NAV2: variants seen among roughly 807,000 people sequenced by gnomAD.
NAV2 encodes helicase, APC down-regulated 1.
NAV2 carries 54 observed loss-of-function variants against 223.2 expected under a neutral mutation model. The ratio of observed to expected loss-of-function variants is 0.24; its 90% CI spans 0.19 to 0.30. The LOEUF is 0.30. Among genes scored for constraint, NAV2 ranks in the 10% least tolerant of loss-of-function variants. NAV2 has a pLI of 1.00. For synonymous variants in NAV2, 1,279 were observed against 1,239.3 expected, an observed-to-expected ratio of 1.03 and a Z score of -0.67; for missense variants, 2,806 against 3,147.5, an observed-to-expected ratio of 0.89 and a Z score of 2.60.
At chr11:20,100,862 A>G in intron 31 of NAV2, 75 bp from the exon 32 acceptor site, 2 of 1,277,528 alleles carry the variant, frequency 1.6e-6, no homozygotes, top group African/African-American at 1.5e-5. Flanking sequence ...AGGTCTTGGC[A>G]GTCCCAGTTA....
At chr11:19,761,875 T>A (rs915441089) in intron 1 of NAV2, among the ~76,000 whole-genome samples, 1 of 152,186 alleles carries the variant, frequency 6.6e-6, no homozygotes, top group Non-Finnish European at 1.5e-5. Context: ...TTCACCCTGG[T>A]CCAAACCATC....
intron 11 of NAV2, among the ~76,000 whole-genome samples, chr11:20,014,236 G>A (rs1418931870): frequency 6.6e-6 from 1 of 152,072 alleles, no homozygotes; most frequent in Non-Finnish European, 1.5e-5. Flanking sequence ...TTATCACCCT[G>A]TGGTAGACAC....
At chr11:19,534,091 C>T (rs542065523) in intron 1 of NAV2, among the ~76,000 whole-genome samples, 6 of 152,348 alleles carry the variant, frequency 3.9e-5, no homozygotes, top group African/African-American at 4.8e-5. Context: ...CCTTGTGGCT[C>T]CTCTTCATTT....
intron 7 of NAV2, among the ~76,000 whole-genome samples, chr11:19,936,337 CCTT>C (rs1435612755): frequency 6.6e-6 from 1 of 152,138 alleles, no homozygotes; most frequent in Non-Finnish European, 1.5e-5. Context: ...CAATCCCATT[CCTT>C]CTTTTTTTGT....
At chr11:19,387,528 C>T (rs935468586) in intron 1 of NAV2, among the ~76,000 whole-genome samples, 1 of 152,028 alleles carries the variant, frequency 6.6e-6, no homozygotes, top group Non-Finnish European at 1.5e-5. Context: ...CCCAGTTTTG[C>T]TAGCCAAGTG....
At chr11:19,472,319 C>G (rs1352300247) in intron 1 of NAV2, among the ~76,000 whole-genome samples, 2 of 152,058 alleles carry the variant, frequency 1.3e-5, no homozygotes, top group Non-Finnish European at 2.9e-5. Context: ...TGATGTTGGA[C>G]AATTATTTCA....
At chr11:19,849,172 G>A (rs147710751) in intron 3 of NAV2, among the ~76,000 whole-genome samples, 8 of 152,302 alleles carry the variant, frequency 5.3e-5, no homozygotes, top group South Asian at 2.1e-4. Context: ...AAGGGTGCTC[G>A]TGGTCCCAGA....
chr11:19,940,489 A>T lies in NAV2; in HGVS notation c.2146+716A>T, dbSNP rs188250183. ...TTCTCTGTCTCTTTTCCCCATTCCA[A>T]AACTCTGTGTCCCAAGCTCCAGCAG... is the stretch of plus-strand genomic sequence containing the variant. On this transcript the variant is annotated intron_variant, in intron 8 of 37. Coordinates refer to ENST00000349880, the MANE Select transcript of NAV2 (RefSeq NM_145117.5). Among the ~76,000 whole-genome samples, 4 of 152,288 alleles carry T rather than the reference A, an allele frequency of 2.6e-5. No homozygotes were observed. In the East Asian group the frequency reaches 7.7e-4, roughly 29 times the overall value.
chr11:20,097,873 CCA>C, intron 31 of NAV2, 128 bp downstream of exon 31: 1 of 773,544 alleles, frequency 1.3e-6, no homozygotes, highest in East Asian at 2.7e-5. Context: ...CTCCCTTCTA[CCA>C]CAGTTACTCT....
chr11:19,738,888 A>C (rs1164338355), intron 1 of NAV2, among the ~76,000 whole-genome samples: 9 of 152,288 alleles, frequency 5.9e-5, no homozygotes, highest in African/African-American at 2.2e-4. Flanking sequence ...CCCCTGGTTC[A>C]CGTATTGGTA....
rs373184612 is a variant in NAV2, at chr11:19,888,906, T to G, written c.771-3528T>G. On this transcript the variant is annotated intron_variant, in intron 5 of 37. Coordinates refer to ENST00000349880, the MANE Select transcript of NAV2 (RefSeq NM_145117.5). ...AACCTCCGAGATCTTCATTTCCTTC[T>G]CTGAATACCTTCTGAACTTCACGTA... 5.3e-5 allele frequency among the ~76,000 whole-genome samples: 8 copies of G among 152,290 alleles called. No homozygotes were observed. The East Asian group carries it at 1.2e-3, about 22-fold the overall frequency.
intron 1 of NAV2, among the ~76,000 whole-genome samples, chr11:19,424,623 A>G (rs1648106343): frequency 6.6e-6 from 1 of 152,164 alleles, no homozygotes; most frequent in Non-Finnish European, 1.5e-5. Flanking sequence ...ATCTCAGCTC[A>G]CTGCAACCTC....
intron 1 of NAV2, among the ~76,000 whole-genome samples, chr11:19,624,907 A>G (rs1010586245): frequency 2.0e-5 from 3 of 152,240 alleles, no homozygotes; most frequent in African/African-American, 4.8e-5. Flanking sequence ...CAGATCTTTC[A>G]AAATATTTTA....
chr11:19,892,566 A>G lies in NAV2; in HGVS notation c.903A>G (p.Pro301=). 1 of 1,612,482 alleles carries G rather than the reference A, an allele frequency of 6.2e-7. No individual in the cohort carries two copies. The highest frequency in any genetic ancestry group is 8.5e-7 in the Non-Finnish European group (1 of 1,179,422). The part of the protein sequence containing the change: ...NYDKSKPVTS[P]PPPPSSHEKE... ...ATAAATCCAAACCAGTCACCTCCCC[A>G]CCCCCACCGCCAAGCAGCCACGAGA... The change falls in exon 6 of 38, where the codon CCA becomes CCG. Residue 301 remains proline (P), a synonymous_variant. Coordinates refer to ENST00000349880, the MANE Select transcript of NAV2 (RefSeq NM_145117.5).
At chr11:19,514,924 C>G (rs961158223) in intron 1 of NAV2, among the ~76,000 whole-genome samples, 1 of 152,128 alleles carries the variant, frequency 6.6e-6, no homozygotes, top group Admixed American at 6.5e-5. Flanking sequence ...ATCCACCCTT[C>G]GTTTCAAAAT....
chr11:19,693,450 A>G (rs1294100237), intron 1 of NAV2, among the ~76,000 whole-genome samples: 1 of 152,244 alleles, frequency 6.6e-6, no homozygotes, highest in African/African-American at 2.4e-5. Context: ...TGTACCATAA[A>G]TATACCATAG....
chr11:19,533,122 G>T (rs895545392), intron 1 of NAV2, among the ~76,000 whole-genome samples: 1 of 152,174 alleles, frequency 6.6e-6, no homozygotes. Context: ...AAAGCTTGTT[G>T]TCAGTCTAGG....
At chr11:19,740,770 G>A (rs1024220041) in intron 1 of NAV2, among the ~76,000 whole-genome samples, 12 of 152,058 alleles carry the variant, frequency 7.9e-5, no homozygotes, top group African/African-American at 2.7e-4. Flanking sequence ...GACATATATT[G>A]TTTTCTCCAG....
intron 1 of NAV2, among the ~76,000 whole-genome samples, chr11:19,586,402 C>T (rs1301457703): frequency 6.6e-6 from 1 of 152,190 alleles, no homozygotes. Flanking sequence ...CTCCGTCCAG[C>T]TTTGTTCCGT....
Sources: gnomAD v4.1 joint callset for allele counts (sites outside exome capture counted in the v4.1 genomes callset) on GRCh38, gnomAD v4.1.1 for gene constraint, MANE v1.5 for transcripts, NCBI Gene and HGNC (gene_info 2026-07-23, HGNC 2026-07-21) for gene names.